FYB1: variants seen among roughly 807,000 people sequenced by gnomAD.
The protein encoded by FYB1 is FYN-binding protein 1.
In FYB1, 41 loss-of-function variants were observed where a neutral mutation model predicts 94.1. That is an observed-to-expected ratio of 0.44 (90% CI 0.34 to 0.57). FYB1 has a LOEUF of 0.57. Ranked by LOEUF, FYB1 falls within the 20% of genes least tolerant of loss-of-function variation. The pLI, the probability that FYB1 is intolerant of heterozygous loss-of-function variation, is 0.02. For missense variants in FYB1, 1,050 were observed against 976.8 expected (o/e 1.07, Z -1.00); for synonymous variants, 367 against 353.2 (o/e 1.04, Z -0.44).
chr5:39,127,712 G>A, intron 11 of FYB1, 29 bp downstream of exon 11: 1 of 1,565,618 alleles, frequency 6.4e-7, no homozygotes, highest in East Asian at 2.3e-5. Context: ...ATAATAATTT[G>A]CAAAAAGCAG....
intron 2 of FYB1, among the ~76,000 whole-genome samples, chr5:39,172,320 C>G (rs1421671637): frequency 6.6e-6 from 1 of 152,036 alleles, no homozygotes; most frequent in Non-Finnish European, 1.5e-5. Flanking sequence ...GTGGTGTGCA[C>G]CTGTAATCCC....
chr5:39,172,029 G>A (rs11956872), intron 2 of FYB1, among the ~76,000 whole-genome samples: 25,442 of 152,154 alleles, frequency 0.17, 2,407 homozygotes, highest in Non-Finnish European at 0.21. Flanking sequence ...GGAAAACAAG[G>A]CAGCATGGTG....
chr5:39,262,963 C>G (rs1189008504), intron 1 of FYB1, among the ~76,000 whole-genome samples: 2 of 152,040 alleles, frequency 1.3e-5, no homozygotes, highest in African/African-American at 4.8e-5. Flanking sequence ...GAAGGAGGGA[C>G]ATAGAACTGG....
intron 18 of FYB1, among the ~76,000 whole-genome samples, chr5:39,107,876 G>C (rs1398010855): frequency 6.6e-6 from 1 of 152,004 alleles, no homozygotes; most frequent in African/African-American, 2.4e-5. Context: ...ATGATGCTTA[G>C]AGAATATTGG....
chr5:39,255,672 CTCTT>C, intron 1 of FYB1, among the ~76,000 whole-genome samples: 1 of 152,302 alleles, frequency 6.6e-6, no homozygotes, highest in Non-Finnish European at 1.5e-5. Flanking sequence ...CTTATCCTGA[CTCTT>C]TCTACATACC....
At chr5:39,216,525 CA>C (rs1429014396) in intron 1 of FYB1, among the ~76,000 whole-genome samples, 1 of 152,128 alleles carries the variant, frequency 6.6e-6, no homozygotes, top group Non-Finnish European at 1.5e-5. Flanking sequence ...TATCAGGCCC[CA>C]CATGCATTAG....
intron 1 of FYB1, among the ~76,000 whole-genome samples, chr5:39,226,877 G>A (rs1169313061): frequency 1.3e-5 from 2 of 152,118 alleles, no homozygotes; most frequent in African/African-American, 4.8e-5. Context: ...AGGTGCTTAG[G>A]CCCTCAATAA....
intron 2 of FYB1, among the ~76,000 whole-genome samples, chr5:39,195,096 T>G (rs1055027984): frequency 6.6e-6 from 1 of 152,164 alleles, no homozygotes; most frequent in East Asian, 1.9e-4. Context: ...CTCCAGTGAT[T>G]CAGTGTCCTG....
chr5:39,183,610 CT>C (rs769422933), intron 2 of FYB1, among the ~76,000 whole-genome samples: 3 of 152,120 alleles, frequency 2.0e-5, no homozygotes, highest in Non-Finnish European at 4.4e-5. Context: ...AGTTGTTTTC[CT>C]TGATATCTCT....
chr5:39,209,282 T>C (rs1026762327), intron 1 of FYB1, among the ~76,000 whole-genome samples: 7 of 152,024 alleles, frequency 4.6e-5, no homozygotes, highest in African/African-American at 1.4e-4. Flanking sequence ...CTATCGATAA[T>C]AGAACAGCAG....
At chr5:39,153,333 C>G in intron 3 of FYB1, 115 bp downstream of exon 3, 1 of 1,298,610 alleles carries the variant, frequency 7.7e-7, no homozygotes, top group South Asian at 1.2e-5. Context: ...CTGCCAGCTG[C>G]CCACTTTTGT....
intron 1 of FYB1, among the ~76,000 whole-genome samples, chr5:39,237,267 T>C (rs1751007094): frequency 2.0e-5 from 3 of 152,038 alleles, no homozygotes; most frequent in Admixed American, 2.0e-4. Context: ...GTTAGGGGGA[T>C]GTTACAATAA....
chr5:39,158,601 C>T (rs1743967432), intron 2 of FYB1, among the ~76,000 whole-genome samples: 1 of 152,090 alleles, frequency 6.6e-6, no homozygotes, highest in African/African-American at 2.4e-5. Flanking sequence ...TTCTGTTGGT[C>T]AAAAATGCTG....
chr5:39,148,202 TATA>T (rs1464980435), intron 3 of FYB1, among the ~76,000 whole-genome samples: 3 of 85,786 alleles, frequency 3.5e-5, no homozygotes, highest in Non-Finnish European at 6.8e-5. Flanking sequence ...TATATATATA[TATA>T]TATTTGTAGA....
chr5:39,185,604 A>G (rs903420007), intron 2 of FYB1, among the ~76,000 whole-genome samples: 1 of 147,014 alleles, frequency 6.8e-6, no homozygotes, highest in African/African-American at 2.5e-5. Context: ...ATACATATAT[A>G]TACACATATA....
chr5:39,223,832 C>T (rs186604217), upstream of FYB1, among the ~76,000 whole-genome samples: 1 of 152,276 alleles, frequency 6.6e-6, no homozygotes, highest in African/African-American at 2.4e-5. Flanking sequence ...CAACTCACTA[C>T]TCCCAGTATC....
chr5:39,123,339 C>A (rs1014875493), intron 13 of FYB1, among the ~76,000 whole-genome samples: 11 of 152,134 alleles, frequency 7.2e-5, no homozygotes, highest in Non-Finnish European at 1.3e-4. Context: ...TAAAAAATAT[C>A]ATCTAGAAGG....
At chr5:39,242,510 G>A (rs887462288) in intron 1 of FYB1, among the ~76,000 whole-genome samples, 20 of 152,178 alleles carry the variant, frequency 1.3e-4, no homozygotes, top group Non-Finnish European at 2.2e-4. Flanking sequence ...TGGTGTATAT[G>A]TGCCACATTT....
chr5:39,134,126 G>T, intron 9 of FYB1, 82 bp downstream of exon 9: 3 of 1,054,942 alleles, frequency 2.8e-6, no homozygotes, highest in Non-Finnish European at 4.1e-6. Context: ...AGTTATGGAG[G>T]GTAAAATTCT....
Sources: allele counts gnomAD v4.1 joint callset (sites outside exome capture counted in the v4.1 genomes callset), GRCh38; gene constraint gnomAD v4.1.1; transcripts MANE v1.5; gene names NCBI Gene and HGNC (gene_info 2026-07-23, HGNC 2026-07-21).